The following PLSCR2 variants were observed in gnomAD, a reference collection of about 807,000 sequenced individuals.
The protein encoded by PLSCR2 is PL scramblase 2.
Under a neutral mutation model 25.3 loss-of-function variants are expected in PLSCR2, and 18 were observed. The ratio of observed to expected loss-of-function variants is 0.71; its 90% CI spans 0.49 to 1.06. The LOEUF is 1.06. PLSCR2 is among the 50% of genes least tolerant of loss of function. PLSCR2 has a pLI of 0.00. For synonymous variants in PLSCR2, 88 were observed against 87.3 expected (o/e 1.01, Z -0.04); for missense variants, 243 against 269.5 (o/e 0.90, Z 0.69).
intron 8 of PLSCR2, among the ~76,000 whole-genome samples, chr3:146,434,043 C>A (rs987414034): frequency 4.6e-5 from 7 of 152,250 alleles, no homozygotes; most frequent in Admixed American, 2.6e-4. Flanking sequence ...ATTACAAATG[C>A]CTTTAAGTTT....
chr3:146,443,282 T>C (rs1173400147), intron 6 of PLSCR2, among the ~76,000 whole-genome samples: 1 of 152,086 alleles, frequency 6.6e-6, no homozygotes, highest in Non-Finnish European at 1.5e-5. Context: ...ACTGGCCTCA[T>C]AGAATAAGTT....
intron 3 of PLSCR2, among the ~76,000 whole-genome samples, chr3:146,456,712 T>C (rs1342565126): frequency 6.6e-6 from 1 of 152,174 alleles, no homozygotes; most frequent in Non-Finnish European, 1.5e-5. Flanking sequence ...TTTGTCATAG[T>C]CTCAGGTGCT....
chr3:146,428,881 A>T (rs1384924635), downstream of PLSCR2, among the ~76,000 whole-genome samples: 1 of 152,244 alleles, frequency 6.6e-6, no homozygotes, highest in Non-Finnish European at 1.5e-5. Context: ...AATTTAATGT[A>T]GCCCAAATAT....
upstream of PLSCR2, chr3:146,495,991 C>A: frequency 8.6e-7 from 1 of 1,163,050 alleles, no homozygotes; most frequent in African/African-American, 1.5e-5. Context: ...TGGGCAGATA[C>A]AAGCAACCAC....
Position 146,459,952 on chromosome 3 carries a change from C to T in PLSCR2, c.-48G>A, listed in dbSNP as rs1263376913. 2.5e-6 allele frequency: 4 copies of T among 1,613,978 alleles called. No individual in the cohort carries two copies. In the Admixed American group the frequency reaches 6.7e-5, roughly 27 times the overall value. On this transcript the variant is annotated 5_prime_UTR_variant, in exon 2 of 7. Coordinates refer to ENST00000610787, the Ensembl canonical transcript of PLSCR2. ...CCTGGCTGATTTTGAACAGGAATGC[C>T]AGCTGTGCCAGCAGGTGGGACTAGG...
chr3:146,424,568 G>A (rs1003287565), intron 2 of PLSCR2, among the ~76,000 whole-genome samples: 8 of 152,086 alleles, frequency 5.3e-5, no homozygotes, highest in African/African-American at 1.9e-4. Context: ...ATAAATCTTG[G>A]TACGGGAATC....
chr3:146,449,089 C>T (rs2040736751), intron 6 of PLSCR2, 117 bp downstream of exon 6: 4 of 789,022 alleles, frequency 5.1e-6, no homozygotes, highest in Non-Finnish European at 8.1e-6. Context: ...TAAATGAGAA[C>T]ATTTTATAAA....
chr3:146,483,004 G>T (rs534065449), intron 1 of PLSCR2, among the ~76,000 whole-genome samples: 1 of 151,234 alleles, frequency 6.6e-6, no homozygotes, highest in Non-Finnish European at 1.5e-5. Flanking sequence ...AGTGTTGGAA[G>T]TTCTGGCCAG....
chr3:146,435,543 TG>T (rs2039790915), intron 8 of PLSCR2, among the ~76,000 whole-genome samples: 1 of 152,238 alleles, frequency 6.6e-6, no homozygotes, highest in African/African-American at 2.4e-5. Flanking sequence ...CATTTTTTCG[TG>T]TGTCTGTTGG....
chr3:146,475,960 C>T (rs898333141), intron 1 of PLSCR2, among the ~76,000 whole-genome samples: 8 of 152,010 alleles, frequency 5.3e-5, no homozygotes, highest in African/African-American at 7.3e-5. Flanking sequence ...ATCTCATTCC[C>T]CAGATTTTCT....
intron 2 of PLSCR2, among the ~76,000 whole-genome samples, chr3:146,427,427 G>T (rs1358889264): frequency 6.6e-6 from 1 of 152,168 alleles, no homozygotes; most frequent in African/African-American, 2.4e-5. Flanking sequence ...AGGAAAGGCT[G>T]TCCAGTCAAG....
At chr3:146,431,519 G>T (rs2039545403), downstream of PLSCR2, among the ~76,000 whole-genome samples, 1 of 152,166 alleles carries the variant, frequency 6.6e-6, no homozygotes, top group African/African-American at 2.4e-5. Context: ...CATTGAGTTG[G>T]AGTGTGCCTG....
chr3:146,433,154 T>C (rs2039615445), downstream of PLSCR2: 1 of 152,186 alleles, frequency 6.6e-6, no homozygotes. Context: ...GCCTCCATCA[T>C]ACTTTAAAAT....
chr3:146,405,165 G>A (rs1253578393), intron 2 of PLSCR2, among the ~76,000 whole-genome samples: 1 of 151,968 alleles, frequency 6.6e-6, no homozygotes, highest in African/African-American at 2.4e-5. Context: ...AAGGGGAGGG[G>A]GGTCTAGTTA....
chr3:146,441,163 T>C (rs2040218813), downstream of PLSCR2, among the ~76,000 whole-genome samples: 1 of 152,090 alleles, frequency 6.6e-6, no homozygotes, highest in African/African-American at 2.4e-5. Flanking sequence ...AAGGTAAATA[T>C]AGTGTGCTTT....
At chr3:146,448,906 T>G (rs1268172431) in intron 6 of PLSCR2, among the ~76,000 whole-genome samples, 1 of 152,146 alleles carries the variant, frequency 6.6e-6, no homozygotes, top group Non-Finnish European at 1.5e-5. Context: ...TAGCTTCACA[T>G]TTTTCTCCTA....
intron 3 of PLSCR2, 25 bp downstream of exon 3, chr3:146,458,386 T>A: frequency 6.7e-7 from 1 of 1,485,098 alleles, no homozygotes; most frequent in Non-Finnish European, 9.1e-7. Context: ...TTTTTAGAAC[T>A]ATGAGCAATA....
chr3:146,460,363 G>C (rs1456230013), exon 1 of PLSCR2: 4 of 278,700 alleles, frequency 1.4e-5, no homozygotes, highest in Admixed American at 5.9e-5. Flanking sequence ...ACCTGTGAAA[G>C]TGAAAGTAAA....
chr3:146,490,742 T>C (rs1015383790), intron 1 of PLSCR2, among the ~76,000 whole-genome samples: 2 of 152,142 alleles, frequency 1.3e-5, no homozygotes, highest in Admixed American at 6.6e-5. Context: ...GTGGGTGTCA[T>C]TACAGTTGAG....
Sources: allele counts gnomAD v4.1 joint callset (sites outside exome capture counted in the v4.1 genomes callset), GRCh38; gene constraint gnomAD v4.1.1; transcripts MANE v1.5; gene names NCBI Gene and HGNC (gene_info 2026-07-23, HGNC 2026-07-21).